The following MARCHF6 variants were observed in gnomAD, a reference collection of about 807,000 sequenced individuals.
MARCHF6 encodes membrane associated ring-CH-type finger 6.
In MARCHF6, 31 loss-of-function variants were observed where a neutral mutation model predicts 133.7. The ratio of observed to expected loss-of-function variants is 0.23; its 90% CI spans 0.17 to 0.31. The LOEUF is 0.31. Among genes scored for constraint, MARCHF6 ranks in the 10% least tolerant of loss-of-function variants. The pLI, the probability that MARCHF6 is intolerant of heterozygous loss-of-function variation, is 1.00. For synonymous variants in MARCHF6, 395 were observed against 402.5 expected, an observed-to-expected ratio of 0.98 and a Z score of 0.22; for missense variants, 723 against 1,121.6, an observed-to-expected ratio of 0.64 and a Z score of 5.08.
chr5:10,416,475 A>G (rs1394930322), intron 21 of MARCHF6, among the ~76,000 whole-genome samples: 1 of 152,228 alleles, frequency 6.6e-6, no homozygotes, highest in African/African-American at 2.4e-5. Context: ...TAATGAGACA[A>G]CCATATTTAA....
chr5:10,390,527 T>C, intron 6 of MARCHF6, 27 bp downstream of exon 6: 2 of 1,602,548 alleles, frequency 1.2e-6, no homozygotes, highest in Non-Finnish European at 1.7e-6. Flanking sequence ...AAAATTGATT[T>C]TACTTAGGTA....
At chr5:10,361,767 A>G (rs1735842261) in intron 1 of MARCHF6, among the ~76,000 whole-genome samples, 1 of 151,860 alleles carries the variant, frequency 6.6e-6, no homozygotes, top group Non-Finnish European at 1.5e-5. Flanking sequence ...TCATTATAAT[A>G]TCTTTTTTTT....
At chr5:10,358,347 A>G (rs1246307460) in intron 1 of MARCHF6, among the ~76,000 whole-genome samples, 2 of 152,132 alleles carry the variant, frequency 1.3e-5, no homozygotes, top group Non-Finnish European at 2.9e-5. Flanking sequence ...ATAGGGAGCT[A>G]TGGGAGGGTT....
At chr5:10,398,803 T>C (rs1352986449) in intron 10 of MARCHF6, among the ~76,000 whole-genome samples, 4 of 152,208 alleles carry the variant, frequency 2.6e-5, no homozygotes, top group African/African-American at 7.2e-5. Flanking sequence ...AGTAAACTTA[T>C]GTTTTATTAT....
intron 1 of MARCHF6, among the ~76,000 whole-genome samples, chr5:10,373,193 G>A (rs1459692654): frequency 6.6e-6 from 1 of 152,162 alleles, no homozygotes; most frequent in East Asian, 1.9e-4. Flanking sequence ...GCAGAGCCCT[G>A]GGGCTTGATT....
chr5:10,371,726 T>C (rs1736473116), intron 1 of MARCHF6, among the ~76,000 whole-genome samples: 2 of 152,344 alleles, frequency 1.3e-5, no homozygotes, highest in East Asian at 3.9e-4. Flanking sequence ...TCTTAGCTGA[T>C]GTCAAAGTAA....
intron 24 of MARCHF6, among the ~76,000 whole-genome samples, chr5:10,427,945 C>G (rs1457769880): frequency 6.6e-6 from 1 of 152,140 alleles, no homozygotes; most frequent in Non-Finnish European, 1.5e-5. Context: ...TGGCGCACAC[C>G]TGTAATCTCA....
chr5:10,380,933 A>T (rs923935392), intron 3 of MARCHF6, among the ~76,000 whole-genome samples: 1 of 152,074 alleles, frequency 6.6e-6, no homozygotes, highest in Non-Finnish European at 1.5e-5. Flanking sequence ...ACTCAAAAAA[A>T]AAAAAAAAAG....
chr5:10,361,657 G>A (rs528772344), intron 1 of MARCHF6, among the ~76,000 whole-genome samples: 2 of 152,218 alleles, frequency 1.3e-5, no homozygotes, highest in Admixed American at 1.3e-4. Flanking sequence ...CGTGAATTAC[G>A]GGGGGAGGGG....
At chr5:10,397,177 A>G in intron 9 of MARCHF6, 116 bp from the exon 10 acceptor site, 1 of 673,262 alleles carries the variant, frequency 1.5e-6, no homozygotes, top group Non-Finnish European at 2.4e-6. Flanking sequence ...AATAGAGGGA[A>G]AATTTCAATC....
At chr5:10,428,002 C>T (rs372887460) in intron 24 of MARCHF6, among the ~76,000 whole-genome samples, 185 of 152,104 alleles carry the variant, frequency 1.2e-3, no homozygotes, top group African/African-American at 4.3e-3. Context: ...CCCAGGAGTT[C>T]AGGGCTAACC....
At chr5:10,360,348 C>T (rs1002478652) in intron 1 of MARCHF6, among the ~76,000 whole-genome samples, 1 of 151,738 alleles carries the variant, frequency 6.6e-6, no homozygotes, top group African/African-American at 2.4e-5. Context: ...GGGGTTTCAT[C>T]ATATTGGCTT....
chr5:10,355,470 T>C lies in MARCHF6; in HGVS notation c.19+1553T>C, dbSNP rs570651748. On this transcript the variant is annotated intron_variant, in intron 1 of 25. Coordinates refer to ENST00000274140, the MANE Select transcript of MARCHF6 (RefSeq NM_005885.4). ...ATACTTTTATGGTGTGACAGTAATC[T>C]GTGGTAATTCAGGAATTGCGCTCGA... 3.9e-5 allele frequency among the ~76,000 whole-genome samples: 6 copies of C among 152,354 alleles called. No individual in the cohort carries two copies. In the East Asian group the frequency reaches 1.2e-3, roughly 29 times the overall value.
intron 1 of MARCHF6, among the ~76,000 whole-genome samples, chr5:10,356,005 G>A (rs922490203): frequency 6.6e-6 from 1 of 152,046 alleles, no homozygotes; most frequent in African/African-American, 2.4e-5. Context: ...TTTTAGTGCC[G>A]TATTCTCATG....
At position 10,417,411 on chromosome 5, in the gene MARCHF6, G is replaced by T; in HGVS notation, c.2283+7G>T. On this transcript the variant is annotated splice_region_variant and intron_variant, in intron 22 of 25. Transcript: ENST00000274140. Reference sequence around the variant, plus strand: ...TCTTTTTTATCCATGGCAGGTAAATGTATGTCTTTTGCTCATGTTATTTCA... The same window carrying T: ...TCTTTTTTATCCATGGCAGGTAAATTTATGTCTTTTGCTCATGTTATTTCA... 1 of 1,613,344 alleles carries T rather than the reference G, an allele frequency of 6.2e-7. No homozygotes were observed. Among genetic ancestry groups the T allele is most frequent in the Non-Finnish European group, 8.5e-7 (1 of 1,179,816 alleles).
At position 10,437,755 on chromosome 5, in the gene MARCHF6, T is replaced by A. The variant is rs373848808; in HGVS notation, c.*4071T>A. 63 of 152,226 alleles carry A rather than the reference T, an allele frequency of 4.1e-4. No individual in the cohort carries two copies. Among genetic ancestry groups the A allele is most frequent in the African/African-American group, 1.4e-3 (57 of 41,468 alleles). 9.4% of individuals were successfully genotyped at this position (152,226 alleles called of 1,614,324 possible). A position where few individuals can be genotyped will look rare whatever the true frequency, so the allele number is the denominator to read the frequency against. On this transcript the variant is annotated 3_prime_UTR_variant, in exon 26 of 26. Coordinates refer to ENST00000274140, the MANE Select transcript of MARCHF6 (RefSeq NM_005885.4). ...CCTTAGGGTACCCAGACCAATTTTA[T>A]GTATATATATTCTGAAATGCTCCCT... is the stretch of plus-strand genomic sequence containing the variant.
At chr5:10,383,886 T>A (rs1231372738) in intron 4 of MARCHF6, among the ~76,000 whole-genome samples, 2 of 152,214 alleles carry the variant, frequency 1.3e-5, no homozygotes, top group African/African-American at 4.8e-5. Context: ...CTTTTAAAAT[T>A]GCTTATCTCA....
chr5:10,435,961 G>A lies in MARCHF6; in HGVS notation c.*2277G>A, dbSNP rs1224900914. 3 of 151,326 alleles carry A rather than the reference G, an allele frequency of 2.0e-5. No individual in the cohort carries two copies. Among genetic ancestry groups the A allele is most frequent in the East Asian group, 3.9e-4 (2 of 5,120 alleles). 9.4% of individuals were successfully genotyped at this position (151,326 alleles called of 1,614,324 possible). A position where few individuals can be genotyped will look rare whatever the true frequency, so the allele number is the denominator to read the frequency against. On this transcript the variant is annotated 3_prime_UTR_variant, in exon 26 of 26. Transcript: ENST00000274140. ...CGGAACTCCTGACTGCAGGTGATCC[G>A]TCCTCCTTGGGCTCCCAAAGTGCTG...
chr5:10,379,618 A>G (rs1357411867), intron 3 of MARCHF6, among the ~76,000 whole-genome samples: 1 of 151,886 alleles, frequency 6.6e-6, no homozygotes, highest in Non-Finnish European at 1.5e-5. Flanking sequence ...CCACCACCAC[A>G]CCTGGCTAAT....
Sources: gnomAD v4.1 joint callset for allele counts (sites outside exome capture counted in the v4.1 genomes callset) on GRCh38, gnomAD v4.1.1 for gene constraint, MANE v1.5 for transcripts, NCBI Gene and HGNC (gene_info 2026-07-23, HGNC 2026-07-21) for gene names.